The following GOLGB1 variants were observed in gnomAD, a reference collection of about 807,000 sequenced individuals.
GOLGB1 encodes golgin subfamily B member 1.
Under a neutral mutation model 336.9 loss-of-function variants are expected in GOLGB1, and 174 were observed. That is an observed-to-expected ratio of 0.52 (90% CI 0.46 to 0.59). The LOEUF is 0.59. Among genes scored for constraint, GOLGB1 ranks in the 20% least tolerant of loss-of-function variants. The pLI is 0.00. For missense variants in GOLGB1, 3,331 were observed against 3,645.3 expected (o/e 0.91, Z 2.22); for synonymous variants, 1,208 against 1,289.2 (o/e 0.94, Z 1.35).
At chr3:121,725,433 T>A (rs890291666) in intron 5 of GOLGB1, among the ~76,000 whole-genome samples, 2 of 152,230 alleles carry the variant, frequency 1.3e-5, no homozygotes, top group African/African-American at 4.8e-5. Context: ...TCTGTTACTC[T>A]CTTTCTTCTT....
intron 1 of GOLGB1, chr3:121,749,008 A>T: frequency 1.5e-6 from 1 of 654,790 alleles, no homozygotes; most frequent in Non-Finnish European, 1.9e-6. Context: ...CAGCCTGCCC[A>T]CCTCTGATTC....
chr3:121,726,367 G>A (rs2108242187), intron 5 of GOLGB1, among the ~76,000 whole-genome samples: 1 of 138,778 alleles, frequency 7.2e-6, no homozygotes, highest in East Asian at 2.3e-4. Context: ...CTGGCAAGCA[G>A]AGGTTACAGA....
intron 1 of GOLGB1, among the ~76,000 whole-genome samples, chr3:121,742,031 G>A (rs932738825): frequency 1.3e-5 from 2 of 152,018 alleles, no homozygotes; most frequent in African/African-American, 4.8e-5. Flanking sequence ...AGCACACTGG[G>A]CCATACTGTC....
At chr3:121,718,628 G>A in intron 7 of GOLGB1, 127 bp from the exon 8 acceptor site, 1 of 664,616 alleles carries the variant, frequency 1.5e-6, no homozygotes. Context: ...TTTAAAGAGT[G>A]GGAGACCAGC....
rs1947551403 is a variant in GOLGB1, at chr3:121,748,782, T to C, written c.-3+850A>G. 5.1e-6 allele frequency: 5 copies of C among 978,634 alleles called. No individual in the cohort carries two copies. The African/African-American group carries it at 8.7e-5, about 17-fold the overall frequency. 60.6% of individuals were successfully genotyped at this position (978,634 alleles called of 1,614,324 possible). A position where few individuals can be genotyped will look rare whatever the true frequency, so the allele number is the denominator to read the frequency against. ...AACTATCTCCAAAAGTGAAAGTACT[T>C]ACCCATGATTGTAAATATCCCTGTC... On this transcript the variant is annotated intron_variant, in intron 1 of 21. Transcript: ENST00000614479.
intron 9 of GOLGB1, 128 bp from the exon 10 acceptor site, chr3:121,715,104 T>A: frequency 1.7e-6 from 1 of 593,102 alleles, no homozygotes; most frequent in South Asian, 2.1e-5. Flanking sequence ...ATGATGCCAA[T>A]GACAACATTA....
intron 14 of GOLGB1, among the ~76,000 whole-genome samples, 187 bp from the exon 15 acceptor site, chr3:121,682,052 A>C (rs529103248): frequency 3.2e-4 from 49 of 152,354 alleles, no homozygotes; most frequent in Admixed American, 3.2e-3. Flanking sequence ...AGGCTGGTGG[A>C]AATCACCCAT....
At chr3:121,744,832 G>A (rs1326290517) in intron 1 of GOLGB1, among the ~76,000 whole-genome samples, 1 of 152,090 alleles carries the variant, frequency 6.6e-6, no homozygotes, top group Admixed American at 6.6e-5. Context: ...TGATTCAACA[G>A]TCTCAGAGAT....
At chr3:121,728,760 T>A (rs1263364081) in intron 4 of GOLGB1, among the ~76,000 whole-genome samples, 1 of 152,184 alleles carries the variant, frequency 6.6e-6, no homozygotes, top group Non-Finnish European at 1.5e-5. Context: ...CACCACTATG[T>A]GACTATATAT....
Position 121,730,875 on chromosome 3 carries a change from C to A in GOLGB1, c.96+1G>T, listed in dbSNP as rs768326861. The A allele has an allele frequency of 1.9e-6, 3 of 1,609,054 alleles. No individual in the cohort carries two copies. The highest frequency in any genetic ancestry group is 2.5e-6 in the Non-Finnish European group (3 of 1,177,688). The stretch of plus-strand genomic sequence containing the variant: ...GTTTAAATCAGAACAGAACTACTCA[C>A]AGGGTCTAGGGGAGCCCTCATATTC... On this transcript the variant is annotated splice_donor_variant, in intron 2 of 21. Coordinates refer to ENST00000614479, the MANE Select transcript of GOLGB1 (RefSeq NM_001366282.2). LOFTEE classifies it high-confidence loss of function.
chr3:121,686,268 T>A (rs923786812), intron 14 of GOLGB1, among the ~76,000 whole-genome samples: 2 of 151,002 alleles, frequency 1.3e-5, no homozygotes, highest in Non-Finnish European at 2.9e-5. Context: ...AATACTGCAG[T>A]TCATGCATGC....
chr3:121,674,591 AGAATTAGG>A (rs983227616), intron 17 of GOLGB1, among the ~76,000 whole-genome samples: 37 of 152,372 alleles, frequency 2.4e-4, no homozygotes, highest in Admixed American at 1.0e-3. Flanking sequence ...ATCTGAAGAA[AGAATTAGG>A]GAAGTGGCTT....
chr3:121,729,142 A>T, intron 4 of GOLGB1, 46 bp downstream of exon 4: 1 of 1,332,404 alleles, frequency 7.5e-7, no homozygotes, highest in Admixed American at 2.2e-5. Context: ...CTGTATTGGT[A>T]GGTTTTTTCA....
intron 10 of GOLGB1, among the ~76,000 whole-genome samples, chr3:121,704,776 C>A (rs372219628): frequency 7.7e-3 from 823 of 106,916 alleles, no homozygotes; most frequent in Admixed American, 8.1e-3. Context: ...AACTCCATCT[C>A]AAAAAAAAAA....
intron 17 of GOLGB1, among the ~76,000 whole-genome samples, chr3:121,671,441 CT>C (rs1939520313): frequency 6.6e-6 from 1 of 152,120 alleles, no homozygotes; most frequent in African/African-American, 2.4e-5. Flanking sequence ...GCTCAAATTC[CT>C]TATATATAAT....
chr3:121,711,693 C>T (rs1456823554), intron 10 of GOLGB1, among the ~76,000 whole-genome samples: 2 of 152,068 alleles, frequency 1.3e-5, no homozygotes, highest in Non-Finnish European at 2.9e-5. Flanking sequence ...TATTAGCATA[C>T]ATTGGAAAAT....
At chr3:121,706,967 CT>C (rs1943909007) in intron 10 of GOLGB1, among the ~76,000 whole-genome samples, 2 of 151,602 alleles carry the variant, frequency 1.3e-5, no homozygotes, top group African/African-American at 4.8e-5. Context: ...AATCCCAGCA[CT>C]TTGGGAGGCC....
At chr3:121,706,420 T>A (rs1288699505) in intron 10 of GOLGB1, among the ~76,000 whole-genome samples, 1 of 151,354 alleles carries the variant, frequency 6.6e-6, no homozygotes, top group Non-Finnish European at 1.5e-5. Flanking sequence ...GAGAGAAGCA[T>A]GACAGCAGAT....
intron 1 of GOLGB1, among the ~76,000 whole-genome samples, chr3:121,744,939 G>A (rs934729480): frequency 6.6e-6 from 1 of 152,170 alleles, no homozygotes; most frequent in African/African-American, 2.4e-5. Flanking sequence ...GCATCATAGT[G>A]AGTAAGTCAC....
Sources: gnomAD v4.1 joint callset for allele counts (sites outside exome capture counted in the v4.1 genomes callset) on GRCh38, gnomAD v4.1.1 for gene constraint, MANE v1.5 for transcripts, NCBI Gene and HGNC (gene_info 2026-07-23, HGNC 2026-07-21) for gene names.